SPTBN1: variants seen among roughly 807,000 people sequenced by gnomAD.
SPTBN1 encodes the protein spectrin beta, non-erythrocytic 1.
A neutral mutation model predicts 266.4 loss-of-function variants in SPTBN1; 32 were observed. The observed-to-expected ratio is 0.12, with a 90% CI of 0.09 to 0.16. The LOEUF (loss-of-function observed/expected upper bound fraction) is 0.16. Ranked by LOEUF, SPTBN1 falls within the 10% of genes least tolerant of loss-of-function variation. The pLI is 1.00. For missense variants in SPTBN1, 2,296 were observed against 3,067.1 expected (o/e 0.75, Z 5.94); for synonymous variants, 1,336 against 1,162.2 (o/e 1.15, Z -3.04).
chr2:54,623,568 A>G lies in SPTBN1; in HGVS notation c.1154A>G (p.Glu385Gly). ...ANNQKVYMPR[E>G]GKLISDINKA... ...AACCAGAAGGTCTACATGCCCCGGG[A>G]GGGGAAGCTCATCTCTGACATCAAC... The change falls in exon 10 of 36, where the codon GAG becomes GGG. Residue 385 changes from glutamate to glycine, a missense_variant. This residue lies in a region of SPTBN1 where 148 missense variants were observed against 203.8 expected (regional missense o/e 0.73). Transcript: ENST00000356805. The G allele has an allele frequency of 1.2e-6, 2 of 1,614,044 alleles. No homozygotes were observed. Among genetic ancestry groups the G allele is most frequent in the Non-Finnish European group, 1.7e-6 (2 of 1,179,968 alleles).
intron 1 of SPTBN1, among the ~76,000 whole-genome samples, chr2:54,459,549 A>T (rs1329409225): frequency 1.3e-5 from 2 of 152,228 alleles, no homozygotes; most frequent in African/African-American, 4.8e-5. Context: ...TTGTCGAAAT[A>T]ATTTTAAGCT....
intron 1 of SPTBN1, among the ~76,000 whole-genome samples, chr2:54,514,370 A>G (rs963911110): frequency 6.6e-6 from 1 of 152,166 alleles, no homozygotes; most frequent in Non-Finnish European, 1.5e-5. Flanking sequence ...TGCTCCTTCA[A>G]AGAGTATAGA....
intron 2 of SPTBN1, among the ~76,000 whole-genome samples, chr2:54,568,349 CAAAAA>C (rs888478845): frequency 8.4e-5 from 8 of 95,678 alleles, no homozygotes; most frequent in African/African-American, 1.2e-4. Flanking sequence ...GACTCTGTCT[CAAAAA>C]AAAAAAAAAA....
At chr2:54,504,260 A>C (rs958779186) in intron 1 of SPTBN1, among the ~76,000 whole-genome samples, 1 of 152,196 alleles carries the variant, frequency 6.6e-6, no homozygotes, top group African/African-American at 2.4e-5. Flanking sequence ...TTACATTCTG[A>C]TGTTCTATGA....
intron 2 of SPTBN1, among the ~76,000 whole-genome samples, chr2:54,570,663 T>C (rs1193925535): frequency 6.6e-6 from 1 of 152,190 alleles, no homozygotes; most frequent in African/African-American, 2.4e-5. Flanking sequence ...ACCATAGACA[T>C]GATTTTGGTG....
At chr2:54,456,940 C>T (rs1244651370) in intron 1 of SPTBN1, among the ~76,000 whole-genome samples, 1 of 151,476 alleles carries the variant, frequency 6.6e-6, no homozygotes, top group African/African-American at 2.4e-5. Context: ...GAGCGGACAG[C>T]GGACAGCCGG....
chr2:54,593,482 T>G (rs528460377), intron 2 of SPTBN1, among the ~76,000 whole-genome samples: 1 of 152,270 alleles, frequency 6.6e-6, no homozygotes, highest in East Asian at 1.9e-4. Flanking sequence ...TCCTGGGTTG[T>G]GTTGGTAGGT....
At position 54,667,905 on chromosome 2, in the gene SPTBN1, A is replaced by G. The variant is rs75955192; in HGVS notation, c.6876+259A>G. Among the ~76,000 whole-genome samples, 156 of 152,302 alleles carry G rather than the reference A, an allele frequency of 1.0e-3. 1 individual carries two copies. Among genetic ancestry groups the G allele is most frequent in the African/African-American group, 3.3e-3 (138 of 41,560 alleles). ...CTGTCCCCTCCCAGGGATGAGGCAT[A>G]GTGAGGTGGTCCCAGGACTGGTTGT... On this transcript the variant is annotated intron_variant, in intron 35 of 35. Coordinates refer to ENST00000356805, the MANE Select transcript of SPTBN1 (RefSeq NM_003128.3).
Position 54,628,158 on chromosome 2 carries a change from A to G in SPTBN1, c.1706A>G (p.Lys569Arg). 6.2e-7 allele frequency: 1 copy of G among 1,614,116 alleles called. No homozygotes were observed. Among genetic ancestry groups the G allele is most frequent in the Non-Finnish European group, 8.5e-7 (1 of 1,179,986 alleles). The part of the protein sequence containing the change: ...HLLGVEDLLQ[K>R]HTLVEADIGI... ...CTTGGTGTGGAAGACCTGTTACAGA[A>G]GCACACCCTGGTTGAAGCAGACATT... Residue 569 changes from lysine to arginine, a missense_variant, in exon 13 of 36, where the codon AAG (lysine) becomes AGG (arginine). Lys to Arg is a conservative substitution (Grantham distance 26). Transcript: ENST00000356805. This position sits in a 1 kb window ranked among gnomAD's most constrained non-coding sequence, Gnocchi z 4.3.
chr2:54,548,978 G>C (rs1672407828), intron 2 of SPTBN1, among the ~76,000 whole-genome samples: 1 of 152,128 alleles, frequency 6.6e-6, no homozygotes, highest in Non-Finnish European at 1.5e-5. Flanking sequence ...AAAGATACTG[G>C]GCTGGGGGTA....
intron 2 of SPTBN1, among the ~76,000 whole-genome samples, chr2:54,569,788 TAAGG>T (rs1673927779): frequency 6.6e-6 from 1 of 152,184 alleles, no homozygotes; most frequent in South Asian, 2.1e-4. Flanking sequence ...TGGTACATAA[TAAGG>T]GCTCATAGGA....
At chr2:54,632,797 C>G (rs188773327) in intron 17 of SPTBN1, 29 bp downstream of exon 17, 16 of 1,608,962 alleles carry the variant, frequency 9.9e-6, no homozygotes, top group Non-Finnish European at 1.4e-5. Flanking sequence ...CTTAAGGGAG[C>G]CTTGCACCTT....
intron 16 of SPTBN1, 142 bp downstream of exon 16, chr2:54,631,753 A>T (rs1678747778): frequency 8.8e-7 from 1 of 1,140,614 alleles, no homozygotes; most frequent in Non-Finnish European, 1.2e-6. Flanking sequence ...TTTTTTCCCC[A>T]TACTCTTAAG....
At chr2:54,597,683 G>A (rs1676182922) in intron 2 of SPTBN1, among the ~76,000 whole-genome samples, 1 of 152,154 alleles carries the variant, frequency 6.6e-6, no homozygotes. Flanking sequence ...GTGGTGGAGT[G>A]AGTTTAGCAA....
At chr2:54,651,276 T>G (rs1195770666) in intron 26 of SPTBN1, among the ~76,000 whole-genome samples, 1 of 152,136 alleles carries the variant, frequency 6.6e-6, no homozygotes, top group African/African-American at 2.4e-5. Flanking sequence ...CTCATTAGAC[T>G]TAGAGATGAG....
intron 29 of SPTBN1, among the ~76,000 whole-genome samples, chr2:54,657,575 A>C (rs1327008237): frequency 1.3e-5 from 2 of 152,248 alleles, no homozygotes; most frequent in African/African-American, 4.8e-5. Flanking sequence ...CATATTGATT[A>C]CATGTTGTAA....
intron 1 of SPTBN1, among the ~76,000 whole-genome samples, chr2:54,460,521 G>C (rs978470617): frequency 6.6e-6 from 1 of 152,126 alleles, no homozygotes; most frequent in African/African-American, 2.4e-5. Flanking sequence ...TGAGACATCA[G>C]AGCTGGAGCC....
rs901351368 is a variant in SPTBN1 at position 54,628,856 on chromosome 2, G to T, written c.1799-77G>T. ...GGTAATCATAAGAATATGGGGTGTA[G>T]CTTACTGCCTGCCAGTGAGCCTGCA... On this transcript the variant is annotated intron_variant, in intron 13 of 35. Transcript: ENST00000356805. This position sits in a 1 kb window ranked among gnomAD's most constrained non-coding sequence, Gnocchi z 4.3. 2.7e-6 allele frequency: 4 copies of T among 1,504,966 alleles called. No homozygotes were observed. Among genetic ancestry groups the T allele is most frequent in the Non-Finnish European group, 3.5e-6 (4 of 1,126,928 alleles). 93.2% of individuals were successfully genotyped at this position (1,504,966 alleles called of 1,614,324 possible).
At chr2:54,472,274 G>A (rs894957343) in intron 1 of SPTBN1, among the ~76,000 whole-genome samples, 4 of 151,938 alleles carry the variant, frequency 2.6e-5, no homozygotes, top group East Asian at 1.9e-4. Flanking sequence ...TAATCCGCCC[G>A]CCTGGACCTA....
Sources: gnomAD v4.1 joint callset for allele counts (sites outside exome capture counted in the v4.1 genomes callset) on GRCh38, gnomAD v4.1.1 for gene constraint, gnomAD v4.1.1 regional missense constraint, Gnocchi (gnomAD v3.1) non-coding constraint, MANE v1.5 for transcripts, NCBI Gene and HGNC (gene_info 2026-07-23, HGNC 2026-07-21) for gene names.